LRFN5: variants seen among roughly 807,000 people sequenced by gnomAD.
LRFN5 encodes leucine rich repeat and fibronectin type III domain containing 5, also known as leucine-rich repeat and fibronectin type-III domain-containing protein 5.
Under a neutral mutation model 45.6 loss-of-function variants are expected in LRFN5, and 24 were observed. The observed-to-expected ratio is 0.53, with a 90% CI of 0.38 to 0.74. LRFN5 has a LOEUF of 0.74. Ranked by LOEUF, LRFN5 falls within the 30% of genes least tolerant of loss-of-function variation. LRFN5 has a pLI of 0.00. For synonymous variants in LRFN5, 340 were observed against 313.8 expected, an observed-to-expected ratio of 1.08 and a Z score of -0.88; for missense variants, 776 against 861.5, an observed-to-expected ratio of 0.90 and a Z score of 1.24.
intron 1 of LRFN5, among the ~76,000 whole-genome samples, chr14:41,628,595 C>A (rs998726609): frequency 6.8e-6 from 1 of 147,660 alleles, no homozygotes; most frequent in Non-Finnish European, 1.5e-5. Context: ...TAGAATAAGA[C>A]CCTGTCTATA....
chr14:41,748,724 G>A (rs1244260314), intron 1 of LRFN5, among the ~76,000 whole-genome samples: 4 of 152,058 alleles, frequency 2.6e-5, no homozygotes, highest in African/African-American at 4.8e-5. Flanking sequence ...ACAGCTTAGT[G>A]TGAGGAATGG....
At chr14:41,613,817 A>T (rs1887842565) in intron 1 of LRFN5, among the ~76,000 whole-genome samples, 1 of 152,068 alleles carries the variant, frequency 6.6e-6, no homozygotes, top group Non-Finnish European at 1.5e-5. Context: ...AATGCTGTTT[A>T]TCTTGATCTA....
chr14:41,764,314 A>G (rs1803803052), intron 1 of LRFN5, among the ~76,000 whole-genome samples: 1 of 152,286 alleles, frequency 6.6e-6, no homozygotes, highest in African/African-American at 2.4e-5. Context: ...TTTTTGTAGC[A>G]CTAAAATAGA....
intron 2 of LRFN5, among the ~76,000 whole-genome samples, chr14:41,777,243 A>C (rs1158111983): frequency 6.6e-6 from 1 of 151,766 alleles, no homozygotes; most frequent in Non-Finnish European, 1.5e-5. Context: ...ATTATGTTGT[A>C]AATTTTATTG....
chr14:41,731,585 G>A (rs1262057665), intron 1 of LRFN5, among the ~76,000 whole-genome samples: 1 of 152,096 alleles, frequency 6.6e-6, no homozygotes, highest in African/African-American at 2.4e-5. Flanking sequence ...TCTGTATGGA[G>A]TTCCATTCTT....
At chr14:41,740,457 ACAT>A (rs1309682828) in intron 1 of LRFN5, among the ~76,000 whole-genome samples, 2 of 152,042 alleles carry the variant, frequency 1.3e-5, no homozygotes, top group Non-Finnish European at 2.9e-5. Flanking sequence ...ACAGAAAAAA[ACAT>A]TTTCTCAATA....
chr14:41,619,197 C>T (rs939512471), intron 1 of LRFN5, among the ~76,000 whole-genome samples: 4 of 151,992 alleles, frequency 2.6e-5, no homozygotes, highest in Non-Finnish European at 4.4e-5. Context: ...ATTTACTACT[C>T]ATTTCTTTTG....
chr14:41,734,344 A>ATATATATATATATT lies in LRFN5; in HGVS notation c.-196-32509_-196-32508insATATATATATATTT, dbSNP rs1428416141. Among the ~76,000 whole-genome samples the ATATATATATATATT allele has an allele frequency of 5.7e-4, 60 of 105,950 alleles. 10 individuals are homozygous for ATATATATATATATT. The East Asian group carries it at 0.014, about 25-fold the overall frequency. The allele number at this position is 105,950 out of a possible 152,430, so 69.5% of individuals were successfully genotyped here. A position where few individuals can be genotyped will look rare whatever the true frequency, so the allele number is the denominator to read the frequency against. On this transcript the variant is annotated intron_variant, in intron 1 of 5. Coordinates refer to ENST00000298119, the MANE Select transcript of LRFN5 (RefSeq NM_152447.5). ...TATATATATATATATATATATATAT[A>ATATATATATATATT]TTTAAATTTGCTGTAACTTATTGAT...
chr14:41,608,971 G>C (rs1262864596), intron 1 of LRFN5, among the ~76,000 whole-genome samples: 3 of 152,166 alleles, frequency 2.0e-5, no homozygotes, highest in South Asian at 2.1e-4. Flanking sequence ...TTAAACCAAA[G>C]ATCTTTTCTA....
chr14:41,809,724 C>G (rs558952115), intron 2 of LRFN5, among the ~76,000 whole-genome samples: 69 of 151,074 alleles, frequency 4.6e-4, no homozygotes, highest in Non-Finnish European at 7.4e-4. Context: ...TTATGGCAAA[C>G]AAAGAAAGAT....
At chr14:41,699,235 A>G (rs1023158772) in intron 1 of LRFN5, among the ~76,000 whole-genome samples, 7 of 152,058 alleles carry the variant, frequency 4.6e-5, no homozygotes, top group Non-Finnish European at 8.8e-5. Flanking sequence ...AAATTCTGCT[A>G]TTTAAATAAG....
At chr14:41,734,316 T>TTATTTATATATATATATATATA (rs1441190358) in intron 1 of LRFN5, among the ~76,000 whole-genome samples, 1 of 38,768 alleles carries the variant, frequency 2.6e-5, no homozygotes, top group African/African-American at 5.3e-5. Context: ...TGGACTGGTT[T>TTATTTATATATATATATATATA]TATATATATA....
chr14:41,862,873 T>C (rs900777786), intron 2 of LRFN5, among the ~76,000 whole-genome samples: 1 of 148,334 alleles, frequency 6.7e-6, no homozygotes, highest in Non-Finnish European at 1.5e-5. Flanking sequence ...TTTTTTTTTT[T>C]TTTTTTTTTG....
At chr14:41,670,094 CACAT>C (rs1249682224) in intron 1 of LRFN5, among the ~76,000 whole-genome samples, 1 of 147,474 alleles carries the variant, frequency 6.8e-6, no homozygotes, top group East Asian at 2.0e-4. Flanking sequence ...CATATATACA[CACAT>C]ACATATCTAT....
chr14:41,778,069 T>C (rs1299248417), intron 2 of LRFN5, among the ~76,000 whole-genome samples: 2 of 151,320 alleles, frequency 1.3e-5, no homozygotes, highest in African/African-American at 2.4e-5. Flanking sequence ...TATTTGATAA[T>C]TTTTAATAGT....
At chr14:41,637,161 G>A (rs1388382924) in intron 1 of LRFN5, among the ~76,000 whole-genome samples, 2 of 152,096 alleles carry the variant, frequency 1.3e-5, no homozygotes, top group Non-Finnish European at 2.9e-5. Context: ...ACAAGAAAGA[G>A]GGGAGAATTG....
intron 2 of LRFN5, among the ~76,000 whole-genome samples, chr14:41,776,820 A>G (rs1268744828): frequency 6.6e-6 from 1 of 152,096 alleles, no homozygotes; most frequent in South Asian, 2.1e-4. Context: ...TTTCCTAGGC[A>G]TTCTTTAGTA....
chr14:41,845,647 A>C (rs987649112), intron 2 of LRFN5, among the ~76,000 whole-genome samples: 3 of 152,160 alleles, frequency 2.0e-5, no homozygotes, highest in Non-Finnish European at 4.4e-5. Flanking sequence ...GTTCTTTTCT[A>C]GGATATCATA....
At chr14:41,797,167 GATAA>G (rs1887162144) in intron 2 of LRFN5, among the ~76,000 whole-genome samples, 2 of 151,778 alleles carry the variant, frequency 1.3e-5, no homozygotes, top group African/African-American at 4.8e-5. Flanking sequence ...AGTGAGATCA[GATAA>G]ATAGTCAACT....
Sources: gnomAD v4.1 joint callset for allele counts (sites outside exome capture counted in the v4.1 genomes callset) on GRCh38, gnomAD v4.1.1 for gene constraint, MANE v1.5 for transcripts, NCBI Gene and HGNC (gene_info 2026-07-23, HGNC 2026-07-21) for gene names.